The following RASEF variants were observed in gnomAD, a reference collection of about 807,000 sequenced individuals.
RASEF encodes the protein RAS and EF-hand domain containing, also known as ras and EF-hand domain-containing protein.
In RASEF, 68 loss-of-function variants were observed where a neutral mutation model predicts 90.1. The observed-to-expected ratio is 0.75, with a 90% CI of 0.62 to 0.92. RASEF has a LOEUF of 0.92. Ranked by LOEUF, RASEF falls within the 40% of genes least tolerant of loss-of-function variation. The probability of loss-of-function intolerance (pLI) is 0.00; values close to 1 mark genes in which losing one functional copy is unlikely to be tolerated. For missense variants in RASEF, 949 were observed against 937.2 expected (o/e 1.01, Z -0.16); for synonymous variants, 331 against 345.2 (o/e 0.96, Z 0.46).
chr9:83,000,851 C>T, intron 10 of RASEF, 45 bp downstream of exon 10: 9 of 1,484,924 alleles, frequency 6.1e-6, no homozygotes, highest in Non-Finnish European at 8.4e-6. Context: ...TGACAGATTT[C>T]AATCACGTAG....
At chr9:83,205,690 C>T in the RASEF span, among the ~76,000 whole-genome samples, 1 of 152,192 alleles carries the variant, frequency 6.6e-6, no homozygotes, top group African/African-American at 2.4e-5. Flanking sequence ...CAGTATCTTA[C>T]ACATGGTAGA....
intron 3 of RASEF, 101 bp downstream of exon 3, chr9:83,022,235 T>C: frequency 5.8e-6 from 5 of 857,824 alleles, no homozygotes; most frequent in Non-Finnish European, 9.7e-6. Flanking sequence ...AAACCTGGAC[T>C]TGCTGTACCC....
At position 83,062,696 on chromosome 9, in the gene RASEF, G is replaced by C; in HGVS notation, c.172C>G (p.Arg58Gly). 1 of 1,575,028 alleles carries C rather than the reference G, an allele frequency of 6.3e-7. No individual in the cohort carries two copies. Among genetic ancestry groups the C allele is most frequent in the Non-Finnish European group, 8.6e-7 (1 of 1,169,288 alleles). Residue 58 changes from arginine to glycine, a missense_variant, in exon 1 of 17, where the codon CGT becomes GGT. Coordinates refer to ENST00000376447, the MANE Select transcript of RASEF (RefSeq NM_152573.4). ...EAVFQRLDAD[R>G]DGAITFQEFA... Reference sequence around the variant, plus strand: ...TCCTGGAAGGTGATGGCGCCGTCACGGTCGGCGTCCAGCCGCTGGAATACT... The same window carrying C: ...TCCTGGAAGGTGATGGCGCCGTCACCGTCGGCGTCCAGCCGCTGGAATACT...
the RASEF span, among the ~76,000 whole-genome samples, chr9:83,145,119 C>T: frequency 6.6e-6 from 1 of 152,082 alleles, no homozygotes; most frequent in African/African-American, 2.4e-5. Context: ...CTTCAATTTG[C>T]TACACAAAAA....
At chr9:83,185,156 T>C in the RASEF span, among the ~76,000 whole-genome samples, 1 of 152,110 alleles carries the variant, frequency 6.6e-6, no homozygotes, top group Non-Finnish European at 1.5e-5. Context: ...ACAGTGATCA[T>C]TTTTATCATT....
the RASEF span, among the ~76,000 whole-genome samples, chr9:83,155,445 A>G: frequency 1.3e-5 from 2 of 152,318 alleles, no homozygotes; most frequent in African/African-American, 4.8e-5. Context: ...AATGAGAACC[A>G]AGCAAAATGG....
At chr9:83,121,936 T>C in the RASEF span, among the ~76,000 whole-genome samples, 1 of 152,336 alleles carries the variant, frequency 6.6e-6, no homozygotes, top group African/African-American at 2.4e-5. Context: ...AGTTTTCTCA[T>C]TGTAAAATGA....
chr9:83,038,208 G>C (rs1287037074), intron 1 of RASEF, among the ~76,000 whole-genome samples: 1 of 152,044 alleles, frequency 6.6e-6, no homozygotes, highest in Non-Finnish European at 1.5e-5. Flanking sequence ...AAAGTATTTT[G>C]AAAGGAGGTA....
At chr9:83,179,817 C>A in the RASEF span, among the ~76,000 whole-genome samples, 1 of 152,088 alleles carries the variant, frequency 6.6e-6, no homozygotes, top group Non-Finnish European at 1.5e-5. Context: ...TACACACACA[C>A]ACGTACAGTG....
At chr9:83,212,722 T>C in the RASEF span, among the ~76,000 whole-genome samples, 9 of 152,166 alleles carry the variant, frequency 5.9e-5, no homozygotes, top group Non-Finnish European at 2.9e-5. Flanking sequence ...CCTATAGGCA[T>C]GAAAAAGATG....
chr9:83,016,757 A>G (rs575657114), intron 3 of RASEF, among the ~76,000 whole-genome samples: 4 of 152,278 alleles, frequency 2.6e-5, no homozygotes, highest in East Asian at 1.9e-4. Flanking sequence ...TCAGTCTGCT[A>G]GAGAGTAAGG....
chr9:83,118,269 TA>T, the RASEF span, among the ~76,000 whole-genome samples: 941 of 147,152 alleles, frequency 6.4e-3, 9 homozygotes, highest in African/African-American at 0.02. Context: ...GCTGAAAGTT[TA>T]AAAAAAAAAA....
the RASEF span, among the ~76,000 whole-genome samples, chr9:83,134,318 C>A: frequency 1.3e-5 from 2 of 151,356 alleles, no homozygotes; most frequent in South Asian, 4.2e-4. Flanking sequence ...TAGTCCACAC[C>A]TTTTACCAAA....
intron 16 of RASEF, among the ~76,000 whole-genome samples, chr9:82,989,234 G>A (rs1002573272): frequency 4.6e-5 from 7 of 152,010 alleles, no homozygotes; most frequent in Non-Finnish European, 7.4e-5. Flanking sequence ...GTGTGCGTGT[G>A]TGTGTGTGTG....
chr9:83,153,906 C>G, the RASEF span, among the ~76,000 whole-genome samples: 1 of 152,198 alleles, frequency 6.6e-6, no homozygotes, highest in African/African-American at 2.4e-5. Flanking sequence ...CCCAGCCATG[C>G]TGAGTACCTG....
At chr9:83,211,712 C>T in the RASEF span, among the ~76,000 whole-genome samples, 1 of 152,132 alleles carries the variant, frequency 6.6e-6, no homozygotes, top group African/African-American at 2.4e-5. Flanking sequence ...ATAAGGGTGT[C>T]ATTAGGGCCA....
In RASEF at chr9:83,016,140, C is replaced by T. The variant is rs371394136; in HGVS notation, c.670-240G>A. Among the ~76,000 whole-genome samples the T allele has an allele frequency of 1.3e-5, 2 of 152,118 alleles. No individual in the cohort carries two copies. The highest frequency in any genetic ancestry group is 6.5e-5 in the Admixed American group (1 of 15,278). On this transcript the variant is annotated intron_variant, in intron 3 of 16. Coordinates refer to ENST00000376447, the MANE Select transcript of RASEF (RefSeq NM_152573.4). ...CCACAACCTACATACACACCTCACC[C>T]GGGAGTGACACCTCTAAGACTATTA...
At chr9:83,216,691 T>C in the RASEF span, among the ~76,000 whole-genome samples, 3 of 152,150 alleles carry the variant, frequency 2.0e-5, no homozygotes, top group East Asian at 1.9e-4. Flanking sequence ...GAGTCCCCAC[T>C]GGGGCACTGC....
the RASEF span, among the ~76,000 whole-genome samples, chr9:83,174,841 G>A: frequency 6.6e-6 from 1 of 151,870 alleles, no homozygotes; most frequent in African/African-American, 2.4e-5. Context: ...CATTTATTTT[G>A]TTAACTTTAT....
Sources: allele counts gnomAD v4.1 joint callset (sites outside exome capture counted in the v4.1 genomes callset), GRCh38; gene constraint gnomAD v4.1.1; transcripts MANE v1.5; gene names NCBI Gene and HGNC (gene_info 2026-07-23, HGNC 2026-07-21).